PIK3C2G: variants seen among roughly 807,000 people sequenced by gnomAD.
PIK3C2G encodes phosphatidylinositol 3-kinase C2 domain-containing subunit gamma.
PIK3C2G carries 168 observed loss-of-function variants against 181.1 expected under a neutral mutation model. That is an observed-to-expected ratio of 0.93 (90% CI 0.82 to 1.05). PIK3C2G has a LOEUF of 1.05. Among genes scored for constraint, PIK3C2G ranks in the 50% least tolerant of loss-of-function variants. PIK3C2G has a pLI of 0.00. For missense variants in PIK3C2G, 1,869 were observed against 1,732.8 expected (o/e 1.08, Z -1.40); for synonymous variants, 573 against 592.2 (o/e 0.97, Z 0.47).
chr12:18,568,426 G>A (rs1945753356), intron 29 of PIK3C2G, among the ~76,000 whole-genome samples: 1 of 151,650 alleles, frequency 6.6e-6, no homozygotes, highest in African/African-American at 2.4e-5. Context: ...GTGTGTGTGT[G>A]AGACAGAGAG....
intron 27 of PIK3C2G, 98 bp downstream of exon 27, chr12:18,562,990 T>C: frequency 1.3e-6 from 1 of 770,668 alleles, no homozygotes; most frequent in African/African-American, 1.8e-5. Context: ...GCATAATTTT[T>C]TACTAAGCAA....
At chr12:18,386,079 A>G (rs951913832) in intron 14 of PIK3C2G, among the ~76,000 whole-genome samples, 2 of 151,968 alleles carry the variant, frequency 1.3e-5, no homozygotes, top group Non-Finnish European at 2.9e-5. Context: ...CTCCTTCCAC[A>G]GAACCAAACC....
chr12:18,441,508 T>C (rs1320436612), intron 18 of PIK3C2G, among the ~76,000 whole-genome samples: 1 of 152,098 alleles, frequency 6.6e-6, no homozygotes, highest in Non-Finnish European at 1.5e-5. Context: ...TGCAAAATCC[T>C]TGAGTAATGA....
At chr12:18,247,068 C>A (rs1948047932), upstream of PIK3C2G, among the ~76,000 whole-genome samples, 1 of 152,122 alleles carries the variant, frequency 6.6e-6, no homozygotes, top group Non-Finnish European at 1.5e-5. Flanking sequence ...CACTGCAAGA[C>A]TTCTCCCAGA....
intron 14 of PIK3C2G, 143 bp downstream of exon 14, chr12:18,382,023 C>A (rs1169235270): frequency 1.6e-6 from 1 of 630,080 alleles, no homozygotes; most frequent in Admixed American, 2.6e-5. Context: ...ATTTGTGAAA[C>A]CTCTACTGCT....
chr12:18,496,759 C>T (rs543088371), intron 21 of PIK3C2G, among the ~76,000 whole-genome samples: 9 of 152,012 alleles, frequency 5.9e-5, no homozygotes, highest in East Asian at 3.9e-4. Context: ...CAGCCAAGCC[C>T]GTGCAACAAG....
At position 18,423,632 on chromosome 12, in the gene PIK3C2G, G is replaced by A. The variant is rs567143125; in HGVS notation, c.2410-313G>A. Among the ~76,000 whole-genome samples, 66 of 152,192 alleles carry A rather than the reference G, an allele frequency of 4.3e-4. 3 individuals carry two copies. In the South Asian group the frequency reaches 0.012, roughly 27 times the overall value. On this transcript the variant is annotated intron_variant, in intron 17 of 32. Coordinates refer to ENST00000538779, the MANE Select transcript of PIK3C2G (RefSeq NM_001288772.2). ...AAAATATCTGTGGCTTAATAATATT[G>A]TATTTAATAATCCAGGACTTTTTGT...
At chr12:18,363,359 G>A (rs1301389659) in intron 12 of PIK3C2G, among the ~76,000 whole-genome samples, 2 of 151,944 alleles carry the variant, frequency 1.3e-5, no homozygotes, top group Non-Finnish European at 2.9e-5. Context: ...CTTAATTTGG[G>A]GTGACTGGCT....
intron 25 of PIK3C2G, among the ~76,000 whole-genome samples, chr12:18,545,535 A>G (rs137968058): frequency 6.6e-6 from 1 of 151,680 alleles, no homozygotes; most frequent in Non-Finnish European, 1.5e-5. Flanking sequence ...GTTCAAATTT[A>G]GTTTAGAAAG....
At chr12:18,660,046 A>G in the PIK3C2G span, among the ~76,000 whole-genome samples, 3 of 152,164 alleles carry the variant, frequency 2.0e-5, no homozygotes, top group African/African-American at 7.2e-5. Context: ...CCAAAAATTT[A>G]TCTCCCCTCC....
At position 18,566,862 on chromosome 12, in the gene PIK3C2G, G is replaced by A. The variant is rs141970673; in HGVS notation, c.3903-87G>A. ...AATGTTTTCATTGGCCCTTCCATCT[G>A]ATACAGCTGTAACTACATGAACAAT... is the stretch of plus-strand genomic sequence containing the variant. On this transcript the variant is annotated intron_variant, in intron 28 of 32. Coordinates refer to ENST00000538779, the MANE Select transcript of PIK3C2G (RefSeq NM_001288772.2). The A allele has an allele frequency of 1.2e-3, 889 of 741,654 alleles. 6 individuals carry two copies. The African/African-American group carries it at 0.014, about 12-fold the overall frequency. The allele number at this position is 741,654 out of a possible 1,614,324, so 45.9% of individuals were successfully genotyped here.
chr12:18,660,774 C>G, the PIK3C2G span, among the ~76,000 whole-genome samples: 23 of 152,080 alleles, frequency 1.5e-4, no homozygotes, highest in African/African-American at 5.5e-4. Context: ...AGGCATCCAA[C>G]AAACAGGAAA....
At chr12:18,349,505 C>T (rs1039780247) in intron 11 of PIK3C2G, among the ~76,000 whole-genome samples, 3 of 152,118 alleles carry the variant, frequency 2.0e-5, no homozygotes, top group Non-Finnish European at 4.4e-5. Flanking sequence ...GGGAACACCC[C>T]ACTCAAGCTA....
the PIK3C2G span, chr12:18,692,779 G>A: frequency 5.0e-5 from 70 of 1,389,980 alleles, no homozygotes; most frequent in East Asian, 5.5e-4. Context: ...CAAAGTCAGA[G>A]TGGTGGTCAT....
the PIK3C2G span, among the ~76,000 whole-genome samples, chr12:18,707,009 C>T: frequency 1.3e-5 from 2 of 152,160 alleles, no homozygotes; most frequent in African/African-American, 4.8e-5. Flanking sequence ...GGCTTGTGGC[C>T]ACATCTCTCT....
intron 20 of PIK3C2G, among the ~76,000 whole-genome samples, chr12:18,495,057 T>G (rs1940892043): frequency 6.6e-6 from 1 of 152,090 alleles, no homozygotes; most frequent in African/African-American, 2.4e-5. Context: ...TTGGGTTAGA[T>G]TTGTGTTGAT....
At chr12:18,523,134 T>C (rs777320909) in intron 24 of PIK3C2G, among the ~76,000 whole-genome samples, 1 of 152,212 alleles carries the variant, frequency 6.6e-6, no homozygotes, top group Non-Finnish European at 1.5e-5. Context: ...TATTCTTTTG[T>C]TTTCCATATT....
intron 31 of PIK3C2G, among the ~76,000 whole-genome samples, chr12:18,627,454 G>A (rs192063942): frequency 5.1e-4 from 77 of 152,084 alleles, no homozygotes; most frequent in Admixed American, 1.3e-3. Flanking sequence ...GTAAACCTGT[G>A]TCCTTGCATT....
intron 18 of PIK3C2G, among the ~76,000 whole-genome samples, chr12:18,445,131 T>C (rs1284090351): frequency 6.6e-6 from 1 of 152,060 alleles, no homozygotes; most frequent in Non-Finnish European, 1.5e-5. Context: ...TTTAAAAAAT[T>C]AGAAGAGAGA....
Sources: allele counts gnomAD v4.1 joint callset (sites outside exome capture counted in the v4.1 genomes callset), GRCh38; gene constraint gnomAD v4.1.1; transcripts MANE v1.5; gene names NCBI Gene and HGNC (gene_info 2026-07-23, HGNC 2026-07-21).